HACD2: variants seen among roughly 807,000 people sequenced by gnomAD.
HACD2 encodes the protein 3-hydroxyacyl-CoA dehydratase 2, also known as very-long-chain (3R)-3-hydroxyacyl-CoA dehydratase 2.
A neutral mutation model predicts 31.0 loss-of-function variants in HACD2; 15 were observed. The ratio of observed to expected loss-of-function variants is 0.48; its 90% CI spans 0.32 to 0.75. HACD2 has a LOEUF of 0.75. Among genes scored for constraint, HACD2 ranks in the 30% least tolerant of loss-of-function variants. The pLI is 0.03. For missense variants in HACD2, 283 were observed against 313.0 expected (o/e 0.90, Z 0.72); for synonymous variants, 115 against 122.2 (o/e 0.94, Z 0.39).
intron 3 of HACD2, among the ~76,000 whole-genome samples, chr3:123,529,816 A>G (rs1337918015): frequency 6.6e-6 from 1 of 152,198 alleles, no homozygotes; most frequent in Non-Finnish European, 1.5e-5. Context: ...TACAGCTAAC[A>G]GAGCTAATTA....
chr3:123,555,598 G>C (rs1176248868), intron 3 of HACD2, among the ~76,000 whole-genome samples: 2 of 152,180 alleles, frequency 1.3e-5, no homozygotes, highest in East Asian at 3.8e-4. Flanking sequence ...AATAAGTGGA[G>C]AAATATTATA....
chr3:123,510,181 C>A (rs1576735596), intron 4 of HACD2, among the ~76,000 whole-genome samples: 1 of 152,190 alleles, frequency 6.6e-6, no homozygotes, highest in Non-Finnish European at 1.5e-5. Context: ...CAGGTAACCA[C>A]TATTCTATTT....
At chr3:123,546,328 G>C (rs912156257) in intron 3 of HACD2, among the ~76,000 whole-genome samples, 5 of 152,228 alleles carry the variant, frequency 3.3e-5, no homozygotes, top group South Asian at 2.1e-4. Flanking sequence ...AAACCCTTGT[G>C]GCAGACAATA....
intron 3 of HACD2, among the ~76,000 whole-genome samples, chr3:123,567,491 A>C (rs572679361): frequency 6.6e-6 from 1 of 152,170 alleles, no homozygotes; most frequent in South Asian, 2.1e-4. Context: ...TAATGTTTCT[A>C]TTACCCTTAC....
chr3:123,516,671 T>G (rs376799607), intron 4 of HACD2, among the ~76,000 whole-genome samples: 8 of 152,346 alleles, frequency 5.3e-5, no homozygotes, highest in African/African-American at 1.9e-4. Context: ...AAACAACTCT[T>G]GGTCACAAAG....
chr3:123,523,129 G>A (rs925945587), intron 4 of HACD2, among the ~76,000 whole-genome samples: 9 of 152,160 alleles, frequency 5.9e-5, no homozygotes, highest in African/African-American at 7.2e-5. Context: ...GGAAGAACAC[G>A]AGCACACTGT....
chr3:123,525,470 T>C (rs549810661), intron 4 of HACD2, among the ~76,000 whole-genome samples: 1 of 152,088 alleles, frequency 6.6e-6, no homozygotes, highest in Non-Finnish European at 1.5e-5. Flanking sequence ...TTCCAAAGGG[T>C]AGAGAATTAA....
chr3:123,581,003 G>C (rs964655769), intron 2 of HACD2, among the ~76,000 whole-genome samples: 8 of 151,912 alleles, frequency 5.3e-5, no homozygotes, highest in Non-Finnish European at 8.8e-5. Context: ...TGTATTTTTA[G>C]TAGAGACGGG....
At chr3:123,495,439 T>C (rs2055820726) in intron 6 of HACD2, among the ~76,000 whole-genome samples, 1 of 152,138 alleles carries the variant, frequency 6.6e-6, no homozygotes, top group African/African-American at 2.4e-5. Context: ...ACCAGGCTCT[T>C]GGCTCCTGAC....
At chr3:123,530,982 C>T (rs2056353841) in intron 3 of HACD2, among the ~76,000 whole-genome samples, 1 of 152,022 alleles carries the variant, frequency 6.6e-6, no homozygotes, top group African/African-American at 2.4e-5. Context: ...ATTCTCCTAC[C>T]TTAGCCTCCC....
At chr3:123,579,676 G>A (rs150910116) in intron 2 of HACD2, among the ~76,000 whole-genome samples, 1 of 152,158 alleles carries the variant, frequency 6.6e-6, no homozygotes, top group Non-Finnish European at 1.5e-5. Context: ...TCCAAATGGG[G>A]ACAACCCCCT....
rs1285899257 is a variant in HACD2 at position 123,492,534 on chromosome 3, A to G, written c.*2354T>C. ...GTGACATGCCTTACTTATCTGCCAT[A>G]AGTATTCTAAATGTTGATGTACAAA... is the stretch of plus-strand genomic sequence containing the variant. On this transcript the variant is annotated 3_prime_UTR_variant, in exon 7 of 7. Coordinates refer to ENST00000383657, the MANE Select transcript of HACD2 (RefSeq NM_198402.5). The G allele has an allele frequency of 3.3e-5, 5 of 152,206 alleles. No individual in the cohort carries two copies. The highest frequency in any genetic ancestry group is 1.2e-4 in the African/African-American group (5 of 41,438). The allele number at this position is 152,206 out of a possible 1,614,324, so 9.4% of individuals were successfully genotyped here. A position where few individuals can be genotyped will look rare whatever the true frequency, so the allele number is the denominator to read the frequency against.
chr3:123,511,110 T>C (rs147306467), intron 4 of HACD2, among the ~76,000 whole-genome samples: 1 of 152,340 alleles, frequency 6.6e-6, no homozygotes, highest in East Asian at 1.9e-4. Context: ...TCAAATCCTT[T>C]GCCCATTAAA....
At chr3:123,578,051 C>T (rs1375549519) in intron 2 of HACD2, among the ~76,000 whole-genome samples, 1 of 152,264 alleles carries the variant, frequency 6.6e-6, no homozygotes, top group East Asian at 1.9e-4. Context: ...TCCCCACAGC[C>T]CCTAACAATT....
At chr3:123,562,082 G>A (rs1302835330) in intron 3 of HACD2, among the ~76,000 whole-genome samples, 1 of 152,214 alleles carries the variant, frequency 6.6e-6, no homozygotes, top group African/African-American at 2.4e-5. Context: ...AAAGTACTGG[G>A]ATTACAGGTG....
chr3:123,570,702 A>G (rs2056844918), intron 2 of HACD2, among the ~76,000 whole-genome samples: 1 of 152,144 alleles, frequency 6.6e-6, no homozygotes, highest in African/African-American at 2.4e-5. Flanking sequence ...TTGAAATCCT[A>G]TTGAGACATA....
At chr3:123,511,500 C>T (rs2056063092) in intron 4 of HACD2, among the ~76,000 whole-genome samples, 2 of 152,138 alleles carry the variant, frequency 1.3e-5, no homozygotes, top group Non-Finnish European at 2.9e-5. Context: ...AGCCATTAGT[C>T]CTCCAATAAA....
intron 4 of HACD2, among the ~76,000 whole-genome samples, chr3:123,526,270 C>T (rs2056282126): frequency 6.6e-6 from 1 of 152,198 alleles, no homozygotes; most frequent in South Asian, 2.1e-4. Flanking sequence ...AGACGTAGGG[C>T]AGGGATGGAG....
intron 3 of HACD2, chr3:123,543,677 C>G (rs2056520515): frequency 2.3e-6 from 1 of 426,146 alleles, no homozygotes; most frequent in Non-Finnish European, 4.7e-6. Flanking sequence ...AAAAAACTGT[C>G]AGAATCCAAA....
Sources: gnomAD v4.1 joint callset for allele counts (sites outside exome capture counted in the v4.1 genomes callset) on GRCh38, gnomAD v4.1.1 for gene constraint, MANE v1.5 for transcripts, NCBI Gene and HGNC (gene_info 2026-07-23, HGNC 2026-07-21) for gene names.